Variants in PSD observed in about 807,000 individuals in gnomAD.
PSD encodes the protein pleckstrin and Sec7 domain containing, also known as PH and SEC7 domain-containing protein 1.
Under a neutral mutation model 91.6 loss-of-function variants are expected in PSD, and 32 were observed. That is an observed-to-expected ratio of 0.35 (90% CI 0.26 to 0.47). PSD has a LOEUF of 0.47. PSD is among the 20% of genes least tolerant of loss of function. The probability of loss-of-function intolerance (pLI) is 1.00; values close to 1 mark genes in which losing one functional copy is unlikely to be tolerated. For synonymous variants in PSD, 532 were observed against 569.3 expected (o/e 0.93, Z 0.93); for missense variants, 1,099 against 1,373.9 (o/e 0.80, Z 3.16).
chr10:102,418,989 T>C (rs1456712804), upstream of PSD: 4 of 342,846 alleles, frequency 1.2e-5, no homozygotes, highest in Non-Finnish European at 2.3e-5. Context: ...GAACCCCTGG[T>C]TCTATTCCCC....
At position 102,404,983 on chromosome 10, in the gene PSD, C is replaced by G; in HGVS notation, c.2470G>C (p.Ala824Pro). ...TTGCTGTAGTCACTGGCACGAGTGG[C>G]CAGGGCATGGTGGATGCTGATGGCA... ...KNAISIHHAL[A>P]TRASDYSKRP... The change falls in exon 14 of 17, where the codon GCC becomes CCC. Residue 824 changes from alanine (A) to proline (P), a missense_variant. Ala to Pro is a conservative substitution (Grantham distance 27). This residue lies in a region of PSD where 358 missense variants were observed against 426.5 expected (regional missense o/e 0.84). Transcript: ENST00000020673. The surrounding 1 kb of genome is among the most constrained non-coding windows in gnomAD (Gnocchi z 5.7). The G allele has an allele frequency of 1.9e-6, 3 of 1,614,074 alleles. No homozygotes were observed. Among genetic ancestry groups the G allele is most frequent in the Non-Finnish European group, 2.5e-6 (3 of 1,179,988 alleles).
chr10:102,405,641 T>C lies in PSD; in HGVS notation c.2136-105A>G, dbSNP rs936194151. The C allele has an allele frequency of 2.7e-6, 3 of 1,116,682 alleles. No individual in the cohort carries two copies. The highest frequency in any genetic ancestry group is 3.1e-5 in the African/African-American group (2 of 63,604). 69.2% of individuals were successfully genotyped at this position (1,116,682 alleles called of 1,614,324 possible). On this transcript the variant is annotated intron_variant, in intron 11 of 16. Transcript: ENST00000020673. This position sits in a 1 kb window ranked among gnomAD's most constrained non-coding sequence, Gnocchi z 5.4. ...AAAAGCTCCCCCAGTGTTTGTGGCT[T>C]GGGGGGCTCAACCTGAGGGTCCTGC... is the stretch of plus-strand genomic sequence containing the variant.
chr10:102,412,684 A>G, intron 5 of PSD, 109 bp from the exon 6 acceptor site: 1 of 926,304 alleles, frequency 1.1e-6, no homozygotes, highest in Non-Finnish European at 1.6e-6. Context: ...GAGTGGAGGG[A>G]CATGGGGAAA....
chr10:102,406,728 A>G (rs2061366412), intron 11 of PSD, among the ~76,000 whole-genome samples: 1 of 152,054 alleles, frequency 6.6e-6, no homozygotes, highest in African/African-American at 2.4e-5. Flanking sequence ...GATGGTCTTG[A>G]TCTCCTGACC....
At chr10:102,411,220 T>G in intron 8 of PSD, 104 bp from the exon 9 acceptor site, 3 of 1,101,934 alleles carry the variant, frequency 2.7e-6, no homozygotes, top group Non-Finnish European at 3.9e-6. Flanking sequence ...GGCCGGCAAC[T>G]TCCTACCTCC....
rs766099486 is a variant in PSD at position 102,405,429 on chromosome 10, T to G, written c.2243A>C (p.Asp748Ala). ...GGCAGCCCCAGGCTCGGGAGTCAGG[T>G]CCAGGAAAGGGCTGGAGCCACTGCC... ...GSGSGSSPFL[D>A]LTPEPGAAVY... The change falls in exon 12 of 17, where the codon GAC (aspartate) becomes GCC (alanine). Residue 748 changes from aspartate (D) to alanine (A), a missense_variant. Around this residue, in one of 3 missense-constraint regions of PSD, gnomAD observed 358 missense variants for 426.5 expected, o/e 0.84. Coordinates refer to ENST00000020673, the MANE Select transcript of PSD (RefSeq NM_002779.5). This position sits in a 1 kb window ranked among gnomAD's most constrained non-coding sequence, Gnocchi z 5.4. The G allele has an allele frequency of 1.2e-6, 2 of 1,613,810 alleles. No homozygotes were observed.
chr10:102,417,196 G>T lies in PSD; in HGVS notation c.-83-75C>A, dbSNP rs185157868. The T allele has an allele frequency of 1.2e-3, 692 of 586,826 alleles. 14 individuals carry two copies. In the East Asian group the frequency reaches 0.02, roughly 17 times the overall value. 36.4% of individuals were successfully genotyped at this position (586,826 alleles called of 1,614,324 possible). A position where few individuals can be genotyped will look rare whatever the true frequency, so the allele number is the denominator to read the frequency against. On this transcript the variant is annotated intron_variant, in intron 1 of 16. Coordinates refer to ENST00000020673, the MANE Select transcript of PSD (RefSeq NM_002779.5). ...GATAGGACAGCAGAGATAGGGAAGG[G>T]AAAGTTGGCTAGGGCCTCTGAGTAT...
chr10:102,407,133 A>C, intron 11 of PSD, 90 bp downstream of exon 11: 32 of 999,274 alleles, frequency 3.2e-5, no homozygotes, highest in Middle Eastern at 6.7e-4. Context: ...CCCTACCCCC[A>C]CCCAGGGCCT....
At position 102,416,887 on chromosome 10, in the gene PSD, G is replaced by T. The variant is rs368249861; in HGVS notation, c.152C>A (p.Ala51Glu). The T allele has an allele frequency of 5.5e-5, 89 of 1,606,560 alleles. No homozygotes were observed. Among genetic ancestry groups the T allele is most frequent in the Non-Finnish European group, 6.6e-5 (78 of 1,177,464 alleles). The change falls in exon 2 of 17, where the codon GCA (alanine) becomes GAA (glutamate). Residue 51 changes from alanine (A) to glutamate (E), a missense_variant. This residue lies in a region of PSD where 631 missense variants were observed against 728.8 expected (regional missense o/e 0.87). Transcript: ENST00000020673. The surrounding 1 kb of genome is among the most constrained non-coding windows in gnomAD (Gnocchi z 6.0). ...GSTGSLLRRVAGPGPRGRELG... is the reference protein window; with the variant it reads ...GSTGSLLRRVEGPGPRGRELG... ...TTCCCGGCCTCGAGGACCTGGACCT[G>T]CCACTCGCCGTAGCAAGGAGCCTGT... is the stretch of plus-strand genomic sequence containing the variant.
chr10:102,408,899 T>C, intron 10 of PSD: 1 of 986,872 alleles, frequency 1.0e-6, no homozygotes, highest in Non-Finnish European at 1.2e-6. Context: ...CCTCACCGCC[T>C]TTTTCTTCTT....
At chr10:102,411,169 A>G in intron 8 of PSD, 53 bp from the exon 9 acceptor site, 3 of 1,531,580 alleles carry the variant, frequency 2.0e-6, no homozygotes, top group Non-Finnish European at 2.7e-6. Flanking sequence ...CCCTTCCCAC[A>G]GCCATCTTCC....
At chr10:102,413,604 T>C (rs923074328) in intron 5 of PSD, among the ~76,000 whole-genome samples, 165 bp downstream of exon 5, 1 of 151,910 alleles carries the variant, frequency 6.6e-6, no homozygotes, top group Non-Finnish European at 1.5e-5. Context: ...TCACAGCTAA[T>C]GGCAGTAGTC....
In PSD at chr10:102,414,854, C is replaced by T; in HGVS notation, c.1124+9G>A. The T allele has an allele frequency of 6.7e-7, 1 of 1,488,878 alleles. No individual in the cohort carries two copies. Among genetic ancestry groups the T allele is most frequent in the Non-Finnish European group, 8.9e-7 (1 of 1,123,720 alleles). 92.2% of individuals were successfully genotyped at this position (1,488,878 alleles called of 1,614,324 possible). A position where few individuals can be genotyped will look rare whatever the true frequency, so the allele number is the denominator to read the frequency against. On this transcript the variant is annotated intron_variant, in intron 4 of 16. Coordinates refer to ENST00000020673, the MANE Select transcript of PSD (RefSeq NM_002779.5). The surrounding 1 kb of genome is among the most constrained non-coding windows in gnomAD (Gnocchi z 5.6). ...CTCTCCCACTTCCCCCTCCCACTTC[C>T]CCACTCACCGGGCCCCTTCAGAGGC...
At position 102,405,571 on chromosome 10, in the gene PSD, T is replaced by G. The variant is rs2061351529; in HGVS notation, c.2136-35A>C. The stretch of plus-strand genomic sequence containing the variant: ...TGATCACCTCAGAGGGGGCTGGCCA[T>G]GGAGCCGCGGCCCCCGCTTCAGTTC... On this transcript the variant is annotated intron_variant, in intron 11 of 16. Transcript: ENST00000020673. This position sits in a 1 kb window ranked among gnomAD's most constrained non-coding sequence, Gnocchi z 5.4. 1 of 1,576,518 alleles carries G rather than the reference T, an allele frequency of 6.3e-7. No homozygotes were observed. Among genetic ancestry groups the G allele is most frequent in the African/African-American group, 1.4e-5 (1 of 74,008 alleles).
rs375125392 is a variant in PSD, at chr10:102,404,658, G to T, written c.2625C>A (p.Pro875=). ...TTTGGGAGCTAACAGCAGCTGGGAA[G>T]GGGGGCGCAGAGAACATAGCGGCTA... ...NVVAAMFSAP[P]FPAAVSSQKK... is the part of the protein sequence containing the mutation. The change falls in exon 15 of 17, where the codon CCC becomes CCA. Residue 875 remains proline (P), a synonymous_variant. Coordinates refer to ENST00000020673, the MANE Select transcript of PSD (RefSeq NM_002779.5). The surrounding 1 kb of genome is among the most constrained non-coding windows in gnomAD (Gnocchi z 5.7). The T allele has an allele frequency of 3.7e-6, 6 of 1,611,486 alleles. No individual in the cohort carries two copies. The highest frequency in any genetic ancestry group is 1.7e-5 in the Admixed American group (1 of 59,680).
rs1412369913 is a variant in PSD, at chr10:102,411,695, G to A, written c.1942+12C>T. ...GCCAGCTAAGGACACCCCTGCTCTC[G>A]GAACTCCTCACCCTCTGAGGACAGG... On this transcript the variant is annotated intron_variant, in intron 8 of 16. Coordinates refer to ENST00000020673, the MANE Select transcript of PSD (RefSeq NM_002779.5). 11 of 1,606,050 alleles carry A rather than the reference G, an allele frequency of 6.8e-6. No homozygotes were observed. The highest frequency in any genetic ancestry group is 1.7e-5 in the Admixed American group (1 of 59,400).
chr10:102,411,746 G>T lies in PSD; in HGVS notation c.1903C>A (p.Arg635=), dbSNP rs746336804. Residue 635 remains arginine, a synonymous_variant, in exon 8 of 17, where the codon CGA becomes AGA. Transcript: ENST00000020673. ...GCTTCAGGATTGCACTGGAAGTATC[G>T]CTGGGAGAAGTGGGCCAGCACGCGC... ...RERVLAHFSQ[R]YFQCNPEALS... is the part of the protein sequence containing the mutation. The T allele has an allele frequency of 1.2e-5, 20 of 1,613,632 alleles. No individual in the cohort carries two copies. Among genetic ancestry groups the T allele is most frequent in the Non-Finnish European group, 1.7e-5 (20 of 1,179,878 alleles).
In PSD at chr10:102,416,919, A is replaced by G. The variant is rs1469772446; in HGVS notation, c.120T>C (p.Tyr40=). ...GCCGTAGCAAGGAGCCTGTGCTGCC[A>G]TACATGCTGGCTGGGGGGCTCTGGG... ...PVPQSPPASM[Y]GSTGSLLRRV... The change falls in exon 2 of 17, where the codon TAT becomes TAC. Residue 40 remains tyrosine (Y), a synonymous_variant. Coordinates refer to ENST00000020673, the MANE Select transcript of PSD (RefSeq NM_002779.5). The surrounding 1 kb of genome is among the most constrained non-coding windows in gnomAD (Gnocchi z 6.0). The G allele has an allele frequency of 6.2e-7, 1 of 1,607,270 alleles. No homozygotes were observed. Among genetic ancestry groups the G allele is most frequent in the Admixed American group, 1.7e-5 (1 of 59,742 alleles).
chr10:102,413,696 G>C, intron 5 of PSD, 73 bp downstream of exon 5: 1 of 1,445,126 alleles, frequency 6.9e-7, no homozygotes, highest in African/African-American at 1.4e-5. Context: ...TCACACTCAG[G>C]ATCTGTCCCT....
Sources: gnomAD v4.1 joint callset for allele counts (sites outside exome capture counted in the v4.1 genomes callset) on GRCh38, gnomAD v4.1.1 for gene constraint, gnomAD v4.1.1 regional missense constraint, Gnocchi (gnomAD v3.1) non-coding constraint, MANE v1.5 for transcripts, NCBI Gene and HGNC (gene_info 2026-07-23, HGNC 2026-07-21) for gene names.